Variants in SLC35F5 observed in about 807,000 individuals in gnomAD.
SLC35F5 encodes the protein solute carrier family 35 member F5, also known as HCV NS5A-transactivated protein 3.
SLC35F5 carries 54 observed loss-of-function variants against 68.6 expected under a neutral mutation model. That is an observed-to-expected ratio of 0.79 (90% CI 0.63 to 0.99). The LOEUF is 0.99. Among genes scored for constraint, SLC35F5 ranks in the 50% least tolerant of loss-of-function variants. The probability of loss-of-function intolerance (pLI) is 0.00; values close to 1 mark genes in which losing one functional copy is unlikely to be tolerated. For missense variants in SLC35F5, 567 were observed against 626.9 expected (o/e 0.90, Z 1.02); for synonymous variants, 211 against 205.2 (o/e 1.03, Z -0.24).
At chr2:113,743,888 C>A in intron 5 of SLC35F5, 94 bp from the exon 6 acceptor site, 1 of 987,488 alleles carries the variant, frequency 1.0e-6, no homozygotes, top group Non-Finnish European at 1.4e-6. Context: ...CAAATACCAT[C>A]TAAAACGTGG....
At chr2:113,719,481 T>G in intron 13 of SLC35F5, 173 bp from the exon 14 acceptor site, 1 of 511,424 alleles carries the variant, frequency 2.0e-6, no homozygotes, top group Non-Finnish European at 3.2e-6. Context: ...AATTCAAGAC[T>G]TCAACTTACT....
rs1686952954 is a variant in SLC35F5 at position 113,710,625 on chromosome 2, A to C, written c.*4593T>G. ...CCCATCTCTACCAAAAATACAAAAA[A>C]ACTAATCAGGAATGGGGGCACATGC... On this transcript the variant is annotated 3_prime_UTR_variant, in exon 16 of 16. Transcript: ENST00000245680. Among the ~76,000 whole-genome samples the C allele has an allele frequency of 6.6e-6, 1 of 152,072 alleles. No individual in the cohort carries two copies. Among genetic ancestry groups the C allele is most frequent in the Non-Finnish European group, 1.5e-5 (1 of 68,010 alleles).
At chr2:113,702,720 G>A (rs1686721227), downstream of SLC35F5, among the ~76,000 whole-genome samples, 1 of 152,084 alleles carries the variant, frequency 6.6e-6, no homozygotes, top group African/African-American at 2.4e-5. Flanking sequence ...TTTTTTACAG[G>A]AAGATTTTAA....
At chr2:113,742,614 T>A in intron 7 of SLC35F5, 78 bp downstream of exon 7, 5 of 1,397,164 alleles carry the variant, frequency 3.6e-6, no homozygotes, top group Non-Finnish European at 5.0e-6. Context: ...CACACTTCAA[T>A]CCTATATTGT....
downstream of SLC35F5, among the ~76,000 whole-genome samples, chr2:113,704,697 G>A (rs945638505): frequency 1.3e-5 from 2 of 151,832 alleles, no homozygotes; most frequent in Non-Finnish European, 2.9e-5. Flanking sequence ...CGGCCGCTCC[G>A]AGTGCGGGGC....
rs1409979671 is a variant in SLC35F5, at chr2:113,708,481, G to A, written c.*6737C>T. 6.6e-6 allele frequency among the ~76,000 whole-genome samples: 1 copy of A among 152,140 alleles called. No individual in the cohort carries two copies. Among genetic ancestry groups the A allele is most frequent in the Non-Finnish European group, 1.5e-5 (1 of 68,006 alleles). On this transcript the variant is annotated 3_prime_UTR_variant, in exon 16 of 16. Coordinates refer to ENST00000245680, the MANE Select transcript of SLC35F5 (RefSeq NM_025181.5). ...GCACTTTGGGAGGCCGAGGCGTGTA[G>A]ATCACTTGAGGTCAAGAGTTCAAGA...
rs1459807554 is a variant in SLC35F5 at position 113,706,948 on chromosome 2, A to C, written c.*8270T>G. Among the ~76,000 whole-genome samples the C allele has an allele frequency of 1.3e-5, 2 of 152,220 alleles. No homozygotes were observed. Among genetic ancestry groups the C allele is most frequent in the Non-Finnish European group, 2.9e-5 (2 of 68,040 alleles). On this transcript the variant is annotated 3_prime_UTR_variant, in exon 16 of 16. Coordinates refer to ENST00000245680, the MANE Select transcript of SLC35F5 (RefSeq NM_025181.5). ...TATAGTTTAAAATACACAATGTTTC[A>C]AGTTGCAAGACAAAACCAGGGTAGT...
At chr2:113,734,306 A>G (rs1688004577) in intron 9 of SLC35F5, among the ~76,000 whole-genome samples, 1 of 152,234 alleles carries the variant, frequency 6.6e-6, no homozygotes, top group South Asian at 2.1e-4. Flanking sequence ...TTAAGCTGCT[A>G]CATTAAGTGT....
chr2:113,750,613 A>C, intron 3 of SLC35F5, 45 bp from the exon 4 acceptor site: 1 of 1,452,704 alleles, frequency 6.9e-7, no homozygotes. Flanking sequence ...ATGACCTTAA[A>C]CCTTATTACT....
intron 11 of SLC35F5, among the ~76,000 whole-genome samples, chr2:113,727,113 A>T (rs1476053897): frequency 6.6e-6 from 1 of 152,032 alleles, no homozygotes; most frequent in East Asian, 1.9e-4. Context: ...TTCTTACAAG[A>T]TTTGATGGTT....
rs80292724 is a variant in SLC35F5, at chr2:113,709,106, T to C, written c.*6112A>G. ...AAAATTACGGCCTATGTGGTGTCAC[T>C]GTTATTACCACTCTTTACAAAGCAC... On this transcript the variant is annotated 3_prime_UTR_variant, in exon 16 of 16. Coordinates refer to ENST00000245680, the MANE Select transcript of SLC35F5 (RefSeq NM_025181.5). Among the ~76,000 whole-genome samples, 42 of 152,382 alleles carry C rather than the reference T, an allele frequency of 2.8e-4. No individual in the cohort carries two copies. In the East Asian group the frequency reaches 7.7e-3, roughly 28 times the overall value.
intron 3 of SLC35F5, among the ~76,000 whole-genome samples, chr2:113,754,299 A>G (rs1487756799): frequency 1.4e-5 from 2 of 141,328 alleles, no homozygotes; most frequent in Non-Finnish European, 3.2e-5. Flanking sequence ...CATCTCAAAA[A>G]AAAAAGAAAA....
chr2:113,719,550 A>C (rs1232910161), intron 13 of SLC35F5: 2 of 322,364 alleles, frequency 6.2e-6, no homozygotes, highest in Non-Finnish European at 1.1e-5. Flanking sequence ...AGGCTAAAGG[A>C]AAGCCAAGAA....
chr2:113,724,507 A>G (rs566825137), intron 12 of SLC35F5, among the ~76,000 whole-genome samples: 6 of 152,182 alleles, frequency 3.9e-5, no homozygotes, highest in African/African-American at 7.2e-5. Flanking sequence ...GTATTACACA[A>G]AAGAGAGTGA....
intron 10 of SLC35F5, 93 bp downstream of exon 10, chr2:113,731,491 G>A: frequency 1.1e-6 from 1 of 895,254 alleles, no homozygotes. Flanking sequence ...CCCTGCTAGT[G>A]CCTACCCTTT....
At chr2:113,724,281 C>G (rs1488629533) in intron 12 of SLC35F5, among the ~76,000 whole-genome samples, 1 of 152,154 alleles carries the variant, frequency 6.6e-6, no homozygotes, top group Non-Finnish European at 1.5e-5. Context: ...GCCTGTTTGA[C>G]TTAATCCAGC....
Position 113,742,736 on chromosome 2 carries a change from T to C in SLC35F5, c.706A>G (p.Thr236Ala), listed in dbSNP as rs1676326412. 6.2e-7 allele frequency: 1 copy of C among 1,613,976 alleles called. No homozygotes were observed. Among genetic ancestry groups the C allele is most frequent in the African/African-American group, 1.3e-5 (1 of 74,912 alleles). The change falls in exon 7 of 16, where the codon ACT becomes GCT. Residue 236 changes from threonine (T) to alanine (A), a missense_variant. Coordinates refer to ENST00000245680, the MANE Select transcript of SLC35F5 (RefSeq NM_025181.5). ...CTAATTTTCGCTACTTGAGTTGCAGTAAGTTTCCCCACAGTTTTCAGTATG... is the reference window on the plus strand; with the variant it reads ...CTAATTTTCGCTACTTGAGTTGCAGCAAGTTTCCCCACAGTTTTCAGTATG... ...ESILKTVGKL[T>A]ATQVAKISFF... is the part of the protein sequence containing the mutation.
At chr2:113,719,522 AG>A (rs1282793112) in intron 13 of SLC35F5, 6 of 397,232 alleles carry the variant, frequency 1.5e-5, no homozygotes, top group Admixed American at 1.4e-4. Flanking sequence ...CAACAACAAT[AG>A]TTCTTGCTTG....
chr2:113,747,043 T>G (rs1179089376), intron 4 of SLC35F5, among the ~76,000 whole-genome samples: 2 of 151,840 alleles, frequency 1.3e-5, no homozygotes, highest in African/African-American at 2.4e-5. Context: ...TCCCGGCAGT[T>G]TGGGAGGCTG....
Sources: allele counts gnomAD v4.1 joint callset (sites outside exome capture counted in the v4.1 genomes callset), GRCh38; gene constraint gnomAD v4.1.1; transcripts MANE v1.5; gene names NCBI Gene and HGNC (gene_info 2026-07-23, HGNC 2026-07-21).